Variants in SUCLG2 observed in about 807,000 individuals in gnomAD.
The protein encoded by SUCLG2 is succinate-CoA ligase GDP-forming subunit beta, also known as succinate--CoA ligase [GDP-forming] subunit beta, mitochondrial.
SUCLG2 carries 42 observed loss-of-function variants against 47.9 expected under a neutral mutation model. That is an observed-to-expected ratio of 0.88 (90% confidence interval 0.69 to 1.14). The LOEUF is 1.14. Ranked by LOEUF, SUCLG2 falls within the 50% of genes most tolerant of loss-of-function variation. SUCLG2 has a pLI of 0.00. For synonymous variants in SUCLG2, 195 were observed against 197.3 expected (o/e 0.99, Z 0.10); for missense variants, 571 against 525.9 (o/e 1.09, Z -0.84).
At chr3:67,379,068 T>G (rs1484748941) in intron 10 of SUCLG2, among the ~76,000 whole-genome samples, 1 of 152,156 alleles carries the variant, frequency 6.6e-6, no homozygotes, top group African/African-American at 2.4e-5. Context: ...TGCCTCAGCC[T>G]CCTGAGTAGC....
intron 4 of SUCLG2, among the ~76,000 whole-genome samples, chr3:67,524,409 G>A (rs1356201670): frequency 2.0e-5 from 3 of 152,194 alleles, no homozygotes; most frequent in African/African-American, 7.2e-5. Flanking sequence ...CCCATGAACA[G>A]AGAAGATTAA....
chr3:67,617,383 G>A (rs1700649280), intron 1 of SUCLG2, among the ~76,000 whole-genome samples: 1 of 152,218 alleles, frequency 6.6e-6, no homozygotes, highest in Non-Finnish European at 1.5e-5. Context: ...TAATCATCGG[G>A]ATTAGAAGCC....
intron 2 of SUCLG2, among the ~76,000 whole-genome samples, chr3:67,597,662 G>A (rs1378984052): frequency 3.3e-5 from 5 of 152,104 alleles, no homozygotes; most frequent in Non-Finnish European, 5.9e-5. Flanking sequence ...ATCTTTGGCC[G>A]GGTGCAGTGG....
At chr3:67,471,525 T>C (rs763901753) in intron 9 of SUCLG2, among the ~76,000 whole-genome samples, 1 of 152,140 alleles carries the variant, frequency 6.6e-6, no homozygotes, top group Non-Finnish European at 1.5e-5. Flanking sequence ...TCTTCTACAG[T>C]TACAGGGAAA....
intron 1 of SUCLG2, among the ~76,000 whole-genome samples, chr3:67,643,654 T>C (rs1468107784): frequency 1.3e-5 from 2 of 152,206 alleles, no homozygotes; most frequent in Admixed American, 6.5e-5. Flanking sequence ...CATCTCACTG[T>C]AATTGCCCAT....
At chr3:67,624,745 G>C (rs1336494614) in intron 1 of SUCLG2, among the ~76,000 whole-genome samples, 1 of 152,056 alleles carries the variant, frequency 6.6e-6, no homozygotes, top group African/African-American at 2.4e-5. Context: ...AATTCAAGGT[G>C]AGCTTTCAGA....
At chr3:67,622,579 C>T (rs1700754106) in intron 1 of SUCLG2, among the ~76,000 whole-genome samples, 1 of 152,044 alleles carries the variant, frequency 6.6e-6, no homozygotes, top group South Asian at 2.1e-4. Flanking sequence ...GCTGTTTTAT[C>T]CTGAATAAAA....
chr3:67,446,524 G>A (rs377577818), intron 9 of SUCLG2, among the ~76,000 whole-genome samples: 65 of 144,502 alleles, frequency 4.5e-4, no homozygotes, highest in African/African-American at 1.3e-3. Context: ...TCCACCTCCC[G>A]GGTTCAGGGA....
At chr3:67,376,832 A>G (rs537402584) in intron 10 of SUCLG2, among the ~76,000 whole-genome samples, 1 of 152,298 alleles carries the variant, frequency 6.6e-6, no homozygotes, top group African/African-American at 2.4e-5. Context: ...CTTAAGGCTC[A>G]CCTACTCCTG....
chr3:67,552,556 T>C (rs1453837501), intron 2 of SUCLG2, among the ~76,000 whole-genome samples: 2 of 152,242 alleles, frequency 1.3e-5, no homozygotes, highest in African/African-American at 2.4e-5. Context: ...GTCTATAACA[T>C]AGGAATACGA....
At chr3:67,621,409 T>C (rs1354295198) in intron 1 of SUCLG2, among the ~76,000 whole-genome samples, 1 of 152,180 alleles carries the variant, frequency 6.6e-6, no homozygotes, top group South Asian at 2.1e-4. Context: ...ATGTACCTGC[T>C]AGTCATAAAA....
At position 67,364,434 on chromosome 3, in the gene SUCLG2, C is replaced by A. The variant is rs1291169757; in HGVS notation, c.1184-3666G>T. 3.3e-5 allele frequency among the ~76,000 whole-genome samples: 5 copies of A among 151,908 alleles called. No homozygotes were observed. In the East Asian group the frequency reaches 7.8e-4, roughly 24 times the overall value. ...CAGACAGGCAGGACTTCCACCCCCC[C>A]CACCCCCAAGTAAAGAGGCCATAAC... On this transcript the variant is annotated intron_variant, in intron 10 of 10. Coordinates refer to the SUCLG2 transcript ENST00000493112.
chr3:67,377,132 T>C (rs755295765), intron 10 of SUCLG2, among the ~76,000 whole-genome samples: 2 of 152,210 alleles, frequency 1.3e-5, no homozygotes, highest in Non-Finnish European at 2.9e-5. Context: ...AGTCCTATTG[T>C]TCCTATTTTA....
intron 1 of SUCLG2, among the ~76,000 whole-genome samples, chr3:67,629,497 G>A (rs566563982): frequency 1.3e-5 from 2 of 152,110 alleles, no homozygotes; most frequent in East Asian, 3.9e-4. Flanking sequence ...AACATGATAT[G>A]GGGGAGGGGG....
intron 9 of SUCLG2, among the ~76,000 whole-genome samples, chr3:67,456,004 A>C (rs150586789): frequency 4.9e-4 from 74 of 152,282 alleles, no homozygotes; most frequent in Non-Finnish European, 9.1e-4. Flanking sequence ...GGGGTGATTC[A>C]CTCCCATGAT....
chr3:67,471,177 T>C (rs769035121), intron 9 of SUCLG2, among the ~76,000 whole-genome samples: 2 of 152,154 alleles, frequency 1.3e-5, no homozygotes, highest in Non-Finnish European at 2.9e-5. Flanking sequence ...TTAAATCACA[T>C]TACTGGTGAA....
chr3:67,549,148 A>G (rs1706945047), intron 2 of SUCLG2, among the ~76,000 whole-genome samples: 1 of 152,226 alleles, frequency 6.6e-6, no homozygotes, highest in African/African-American at 2.4e-5. Context: ...ACGCTTGCCC[A>G]AGTATTTCTG....
At chr3:67,507,494 G>C (rs1705669262) in intron 7 of SUCLG2, among the ~76,000 whole-genome samples, 1 of 148,806 alleles carries the variant, frequency 6.7e-6, no homozygotes, top group African/African-American at 2.5e-5. Flanking sequence ...CTATGAGCTA[G>C]ACATCATTTC....
rs144729040 is a variant in SUCLG2, at chr3:67,469,642, T to C, written c.1062+26156A>G. On this transcript the variant is annotated intron_variant, in intron 9 of 10. Coordinates refer to ENST00000307227, the MANE Select transcript of SUCLG2 (RefSeq NM_003848.4). ...TACTCGGGAGGCTGAGGTGGGAAAA[T>C]CACTTGAACCCAGGAGGCGGAGGTT... 1.9e-3 allele frequency among the ~76,000 whole-genome samples: 284 copies of C among 151,488 alleles called. 1 individual carries two copies. Among genetic ancestry groups the C allele is most frequent in the African/African-American group, 6.7e-3 (275 of 41,220 alleles).
Sources: allele counts gnomAD v4.1 joint callset (sites outside exome capture counted in the v4.1 genomes callset), GRCh38; gene constraint gnomAD v4.1.1; transcripts MANE v1.5; gene names NCBI Gene and HGNC (gene_info 2026-07-23, HGNC 2026-07-21).